DMD: variants seen among roughly 807,000 people sequenced by gnomAD.
DMD encodes mutant dystrophin.
A neutral mutation model predicts 330.1 loss-of-function variants in DMD; 63 were observed. The observed-to-expected ratio is 0.19, with a 90% CI of 0.16 to 0.24. The LOEUF (loss-of-function observed/expected upper bound fraction) is 0.24, where lower values mean the gene tolerates loss of function less well. Among genes scored for constraint, DMD ranks in the 10% least tolerant of loss-of-function variants. DMD has a pLI of 1.00. For missense variants in DMD, 3,344 were observed against 2,684.1 expected (o/e 1.25, Z -5.43); for synonymous variants, 1,223 against 959.8 (o/e 1.27, Z -5.07).
chrX:32,918,177 G>A (rs2088031475), intron 2 of DMD, among the ~76,000 whole-genome samples: 1 of 110,416 alleles, frequency 9.1e-6, no homozygotes, highest in South Asian at 3.8e-4. Context: ...TCCTCTGTTG[G>A]ACATACGCAT....
intron 39 of DMD, among the ~76,000 whole-genome samples, chrX:32,345,685 A>C (rs760233624): frequency 9.0e-6 from 1 of 110,733 alleles, no homozygotes; most frequent in African/African-American, 3.3e-5. Flanking sequence ...AATTAAATGT[A>C]TAAGTACTAT....
chrX:31,997,725 G>A (rs2095598333), intron 44 of DMD, among the ~76,000 whole-genome samples: 1 of 110,379 alleles, frequency 9.1e-6, no homozygotes, highest in South Asian at 3.8e-4. Flanking sequence ...TTCAGGCATG[G>A]ATGGCTCCAT....
chrX:32,400,044 A>C (rs367976085), intron 30 of DMD, among the ~76,000 whole-genome samples: 1,231 of 111,441 alleles, frequency 0.011, 15 homozygotes, highest in African/African-American at 0.038. Flanking sequence ...CCAGTTTTCA[A>C]AGGGAATGCT....
rs1180588058 is a variant in DMD at position 33,166,775 on chromosome X, A to AT, written c.31+44506dup. 1.6e-4 allele frequency among the ~76,000 whole-genome samples: 17 copies of AT among 109,301 alleles called. 1 individual carries two copies. The highest frequency in any genetic ancestry group is 5.3e-4 in the African/African-American group (16 of 30,280). The allele number at this position is 109,301 out of a possible 115,157, so 94.9% of individuals were successfully genotyped here. A position where few individuals can be genotyped will look rare whatever the true frequency, so the allele number is the denominator to read the frequency against. ...AATATACATACATACATATATATAT[A>AT]TATATTTTTTTTCCTCAGTGTGTAT... On this transcript the variant is annotated intron_variant, in intron 1 of 78. Coordinates refer to ENST00000357033, the MANE Select transcript of DMD (RefSeq NM_004006.3).
At chrX:32,848,043 G>T (rs1306009939) in intron 3 of DMD, among the ~76,000 whole-genome samples, 1 of 111,813 alleles carries the variant, frequency 8.9e-6, no homozygotes, top group Non-Finnish European at 1.9e-5. Context: ...TATGAAATTT[G>T]TTAACCCTGA....
intron 2 of DMD, among the ~76,000 whole-genome samples, chrX:32,863,186 T>C (rs942097586): frequency 1.8e-5 from 2 of 111,240 alleles, no homozygotes; most frequent in African/African-American, 6.6e-5. Context: ...TGAAGCACTT[T>C]GTTTCAAAGC....
intron 9 of DMD, among the ~76,000 whole-genome samples, chrX:32,676,187 T>C (rs139429895): frequency 0.031 from 3,415 of 111,282 alleles, 136 homozygotes; most frequent in African/African-American, 0.1. Flanking sequence ...TTTTATAAGG[T>C]GTGAAGAATC....
intron 1 of DMD, among the ~76,000 whole-genome samples, chrX:33,219,823 T>C (rs751551196): frequency 2.7e-5 from 3 of 111,509 alleles, no homozygotes; most frequent in Non-Finnish European, 5.7e-5. Context: ...AATAGTTGTA[T>C]CTCTTATGGG....
At chrX:32,529,867 A>T (rs943170017) in intron 17 of DMD, among the ~76,000 whole-genome samples, 4 of 111,791 alleles carry the variant, frequency 3.6e-5, no homozygotes, top group African/African-American at 1.3e-4. Flanking sequence ...CAGTTAGTGG[A>T]AACTGCTATA....
chrX:32,735,113 C>A (rs950596195), intron 7 of DMD, among the ~76,000 whole-genome samples: 10 of 108,924 alleles, frequency 9.2e-5, no homozygotes, highest in African/African-American at 3.1e-4. Flanking sequence ...CATTCTTATA[C>A]ACCAACAACA....
At chrX:33,020,741 TA>T (rs1381995766) in intron 1 of DMD, among the ~76,000 whole-genome samples, 1 of 111,406 alleles carries the variant, frequency 9.0e-6, no homozygotes, top group East Asian at 2.8e-4. Context: ...TGTATGATTA[TA>T]AAAAAATAGT....
chrX:31,587,018 T>C (rs762890401), intron 55 of DMD, among the ~76,000 whole-genome samples: 1 of 111,732 alleles, frequency 8.9e-6, no homozygotes, highest in Non-Finnish European at 1.9e-5. Context: ...AACATAAAAA[T>C]ATTTTAGACT....
chrX:31,948,570 C>G (rs976030996), intron 45 of DMD, among the ~76,000 whole-genome samples: 9 of 111,121 alleles, frequency 8.1e-5, no homozygotes, highest in Non-Finnish European at 1.3e-4. Context: ...TAGTAGCCAT[C>G]CTAACAGGGG....
At chrX:32,507,007 G>A (rs992148223) in intron 18 of DMD, among the ~76,000 whole-genome samples, 1 of 111,327 alleles carries the variant, frequency 9.0e-6, no homozygotes, top group African/African-American at 3.3e-5. Context: ...GCAGCTTATG[G>A]CATACTTGTT....
At chrX:32,946,300 T>A (rs1447135664) in intron 2 of DMD, among the ~76,000 whole-genome samples, 1 of 108,160 alleles carries the variant, frequency 9.2e-6, no homozygotes, top group Non-Finnish European at 1.9e-5. Context: ...AATGGCCTAC[T>A]TTTTTTTTGG....
chrX:31,859,350 G>A (rs1219312671), intron 48 of DMD, among the ~76,000 whole-genome samples: 5 of 112,056 alleles, frequency 4.5e-5, no homozygotes, highest in African/African-American at 1.6e-4. Flanking sequence ...TTTTCTCACT[G>A]CCCAGTATGG....
At chrX:31,776,614 G>A (rs182334262) in intron 50 of DMD, among the ~76,000 whole-genome samples, 6,580 of 95,836 alleles carry the variant, frequency 0.069, 265 homozygotes, top group East Asian at 0.22. Flanking sequence ...GGAGGAAGGA[G>A]GGAGGGAGGG....
At chrX:31,882,976 G>A (rs999492545) in intron 47 of DMD, among the ~76,000 whole-genome samples, 3 of 111,180 alleles carry the variant, frequency 2.7e-5, no homozygotes, top group Admixed American at 1.9e-4. Context: ...GTACTTCCAC[G>A]TATATTAAAA....
At chrX:32,829,140 G>C (rs902892213) in intron 4 of DMD, among the ~76,000 whole-genome samples, 1 of 111,452 alleles carries the variant, frequency 9.0e-6, no homozygotes, top group Non-Finnish European at 1.9e-5. Flanking sequence ...TGACTGTTAA[G>C]TACAAAGGTT....
Sources: gnomAD v4.1 joint callset for allele counts (sites outside exome capture counted in the v4.1 genomes callset) on GRCh38, gnomAD v4.1.1 for gene constraint, MANE v1.5 for transcripts, NCBI Gene and HGNC (gene_info 2026-07-23, HGNC 2026-07-21) for gene names.